Variants in GLRX5 observed in about 807,000 individuals in gnomAD.
GLRX5 encodes glutaredoxin 5, also known as glutaredoxin-related protein 5, mitochondrial.
In GLRX5, 10 loss-of-function variants were observed where a neutral mutation model predicts 13.8. That is an observed-to-expected ratio of 0.72 (90% CI 0.45 to 1.23). The LOEUF is 1.23. Among genes scored for constraint, GLRX5 ranks in the 50% most tolerant of loss-of-function variants. The pLI, the probability that GLRX5 is intolerant of heterozygous loss-of-function variation, is 0.00. For missense variants in GLRX5, 233 were observed against 215.2 expected, an observed-to-expected ratio of 1.08 and a Z score of -0.52; for synonymous variants, 98 against 101.1, an observed-to-expected ratio of 0.97 and a Z score of 0.18.
chr14:95,536,510 C>T (rs1237619351), intron 1 of GLRX5, among the ~76,000 whole-genome samples: 3 of 152,200 alleles, frequency 2.0e-5, no homozygotes, highest in Admixed American at 6.5e-5. Context: ...ATAGTCATTG[C>T]TTACAATGAT....
In GLRX5 at chr14:95,535,073, C is replaced by A. The variant is rs555474190; in HGVS notation, c.-17C>A. ...CTGTGGGCCCGGGCCGTCGTGGGCTCCGGCTTGCGTGCGGAGATGAGCGGG... is the reference window on the plus strand; with the variant it reads ...CTGTGGGCCCGGGCCGTCGTGGGCTACGGCTTGCGTGCGGAGATGAGCGGG... On this transcript the variant is annotated 5_prime_UTR_variant, in exon 1 of 2. Transcript: ENST00000331334. 5,113 of 1,337,898 alleles carry A rather than the reference C, an allele frequency of 3.8e-3. 18 individuals are homozygous for A. The highest frequency in any genetic ancestry group is 4.2e-3 in the Non-Finnish European group (4,314 of 1,032,738). 82.9% of individuals were successfully genotyped at this position (1,337,898 alleles called of 1,614,324 possible).
intron 1 of GLRX5, among the ~76,000 whole-genome samples, chr14:95,535,740 C>T (rs1302072728): frequency 2.0e-5 from 3 of 152,152 alleles, no homozygotes; most frequent in Non-Finnish European, 4.4e-5. Context: ...CTGCTCTGCA[C>T]GGTTAGGAAA....
In GLRX5 at chr14:95,535,288, T is replaced by A; in HGVS notation, c.199T>A (p.Cys67Ser). 1.3e-6 allele frequency: 2 copies of A among 1,566,416 alleles called. No individual in the cohort carries two copies. Among genetic ancestry groups the A allele is most frequent in the South Asian group, 1.2e-5 (1 of 85,262 alleles). The change falls in exon 1 of 2, where the codon TGC becomes AGC. Residue 67 changes from cysteine to serine, a missense_variant. Physicochemically the swap from Cys to Ser is moderately radical, Grantham distance 112. Transcript: ENST00000331334. ...CAAGGGGACGCCGGAGCAGCCCCAG[T>A]GCGGCTTCAGCAACGCCGTGGTGCA... The part of the protein sequence containing the change: ...FLKGTPEQPQ[C>S]GFSNAVVQIL...
In GLRX5 at chr14:95,544,016, G is replaced by A. The variant is rs1463019388; in HGVS notation, c.365G>A (p.Cys122Tyr). 6.2e-7 allele frequency: 1 copy of A among 1,613,936 alleles called. No homozygotes were observed. Among genetic ancestry groups the A allele is most frequent in the African/African-American group, 1.3e-5 (1 of 74,934 alleles). Residue 122 changes from cysteine to tyrosine, a missense_variant, in exon 2 of 2, where the codon TGT becomes TAT. Transcript: ENST00000331334. Reference sequence around the variant, plus strand: ...CTCAATGGCGAGTTTGTAGGGGGCTGTGACATTCTTCTGCAGATGCACCAG... The same window carrying A: ...CTCAATGGCGAGTTTGTAGGGGGCTATGACATTCTTCTGCAGATGCACCAG... ...VYLNGEFVGG[C>Y]DILLQMHQNG...
At position 95,535,081 on chromosome 14, in the gene GLRX5, C is replaced by T. The variant is rs780737253; in HGVS notation, c.-9C>T. On this transcript the variant is annotated 5_prime_UTR_variant, in exon 1 of 2. Transcript: ENST00000331334. ...CCGGGCCGTCGTGGGCTCCGGCTTGCGTGCGGAGATGAGCGGGTCCCTCGG... is the reference window on the plus strand; with the variant it reads ...CCGGGCCGTCGTGGGCTCCGGCTTGTGTGCGGAGATGAGCGGGTCCCTCGG... The T allele has an allele frequency of 2.2e-6, 3 of 1,334,946 alleles. No individual in the cohort carries two copies. The highest frequency in any genetic ancestry group is 1.5e-5 in the African/African-American group (1 of 64,744). The allele number at this position is 1,334,946 out of a possible 1,614,324, so 82.7% of individuals were successfully genotyped here.
intron 1 of GLRX5, among the ~76,000 whole-genome samples, chr14:95,536,409 C>T (rs1003926407): frequency 3.3e-5 from 5 of 152,134 alleles, no homozygotes; most frequent in Non-Finnish European, 5.9e-5. Flanking sequence ...GTGACTGAGT[C>T]CCTGCATGTC....
At chr14:95,543,923 C>A in intron 1 of GLRX5, 24 bp from the exon 2 acceptor site, 1 of 1,597,726 alleles carries the variant, frequency 6.3e-7, no homozygotes, top group Non-Finnish European at 8.6e-7. Context: ...ATTTAAATAA[C>A]AAATAAATGT....
chr14:95,537,014 G>A (rs8010923), intron 1 of GLRX5, among the ~76,000 whole-genome samples: 29,748 of 152,100 alleles, frequency 0.2, 3,057 homozygotes, highest in Non-Finnish European at 0.22. Flanking sequence ...GTCTTCCTTC[G>A]AAGACAGCTT....
chr14:95,539,504 C>T (rs1347155148), intron 1 of GLRX5, among the ~76,000 whole-genome samples: 1 of 152,090 alleles, frequency 6.6e-6, no homozygotes, highest in African/African-American at 2.4e-5. Flanking sequence ...GGCATAATAC[C>T]ATTTGTATAT....
At chr14:95,535,482 G>T (rs564516426) in intron 1 of GLRX5, 98 bp downstream of exon 1, 2 of 1,194,030 alleles carry the variant, frequency 1.7e-6, no homozygotes, top group Admixed American at 2.1e-5. Flanking sequence ...GGGGAGCGGG[G>T]CTCCATCCGC....
intron 1 of GLRX5, chr14:95,543,597 C>G (rs1891508454): frequency 3.0e-6 from 1 of 331,170 alleles, no homozygotes; most frequent in Non-Finnish European, 5.8e-6. Flanking sequence ...CAGTCCAGTC[C>G]TCTGCCATTA....
chr14:95,541,084 G>A (rs895096524), intron 1 of GLRX5, among the ~76,000 whole-genome samples: 13 of 152,142 alleles, frequency 8.5e-5, no homozygotes, highest in East Asian at 3.9e-4. Flanking sequence ...AATCACCACC[G>A]TCTATCACAT....
chr14:95,538,123 C>T (rs28692615), intron 1 of GLRX5, among the ~76,000 whole-genome samples: 1,874 of 151,588 alleles, frequency 0.012, 40 homozygotes, highest in African/African-American at 0.043. Flanking sequence ...CACATTGAGA[C>T]CATGCTTGTC....
intron 1 of GLRX5, among the ~76,000 whole-genome samples, chr14:95,538,746 T>A (rs1344896466): frequency 6.6e-6 from 1 of 152,146 alleles, no homozygotes; most frequent in Non-Finnish European, 1.5e-5. Flanking sequence ...GGCTGTGTGG[T>A]TTTTGTTGCA....
Position 95,535,096 on chromosome 14 carries a change from G to A in GLRX5, c.7G>A (p.Gly3Arg), listed in dbSNP as rs767242677. 3.0e-6 allele frequency: 4 copies of A among 1,325,820 alleles called. No individual in the cohort carries two copies. The South Asian group carries it at 4.6e-5, about 15-fold the overall frequency. 82.1% of individuals were successfully genotyped at this position (1,325,820 alleles called of 1,614,324 possible). A position where few individuals can be genotyped will look rare whatever the true frequency, so the allele number is the denominator to read the frequency against. MS[G>R]SLGRAAAALL... ...CTCCGGCTTGCGTGCGGAGATGAGC[G>A]GGTCCCTCGGCCGAGCTGCGGCGGC... The change falls in exon 1 of 2, where the codon GGG becomes AGG. Residue 3 changes from glycine (G) to arginine (R), a missense_variant. By Grantham distance (125) the Gly-to-Arg change is moderately radical. Coordinates refer to ENST00000331334, the MANE Select transcript of GLRX5 (RefSeq NM_016417.3).
rs765749786 is a variant in GLRX5, at chr14:95,535,175, TGCGGGCGGCGGGCTCGGGC to T, written c.98_116del (p.Gly33AlafsTer11). ...GGCGGTGGCCTTTGGGGTCCGGGCG[TGCGGGCGGCGGGCTCGGGC>T]GCGGGCGGCGGCGGCTCGGCGGAGC... On this transcript the variant is annotated frameshift_variant, in exon 1 of 2. Transcript: ENST00000331334. LOFTEE classifies it high-confidence loss of function. The T allele has an allele frequency of 4.1e-6, 6 of 1,467,072 alleles. No individual in the cohort carries two copies. Among genetic ancestry groups the T allele is most frequent in the South Asian group, 2.6e-5 (2 of 75,720 alleles). The allele number at this position is 1,467,072 out of a possible 1,614,324, so 90.9% of individuals were successfully genotyped here.
chr14:95,539,895 ATATT>A (rs201645554), intron 1 of GLRX5, among the ~76,000 whole-genome samples: 3,935 of 40,104 alleles, frequency 0.098, 171 homozygotes, highest in African/African-American at 0.23. Context: ...ATATATATAT[ATATT>A]TTTTTTTTTT....
chr14:95,543,381 A>G (rs1226789990), intron 1 of GLRX5: 1 of 339,036 alleles, frequency 2.9e-6, no homozygotes, highest in East Asian at 7.6e-5. Context: ...TCTCGAGGAG[A>G]AGTGACTGAC....
chr14:95,544,495 T>G lies in GLRX5; in HGVS notation c.*370T>G. On this transcript the variant is annotated 3_prime_UTR_variant, in exon 2 of 2. Coordinates refer to ENST00000331334, the MANE Select transcript of GLRX5 (RefSeq NM_016417.3). ...TCCAAAGAGAGTATCTCCCCCCAAA[T>G]TTTGTGTAGCTTCTTTTGTTATGGA... 4.6e-6 allele frequency: 1 copy of G among 215,126 alleles called. No homozygotes were observed. Among genetic ancestry groups the G allele is most frequent in the Non-Finnish European group, 9.5e-6 (1 of 105,572 alleles). The allele number at this position is 215,126 out of a possible 1,614,324, so 13.3% of individuals were successfully genotyped here.
Sources: allele counts gnomAD v4.1 joint callset (sites outside exome capture counted in the v4.1 genomes callset), GRCh38; gene constraint gnomAD v4.1.1; transcripts MANE v1.5; gene names NCBI Gene and HGNC (gene_info 2026-07-23, HGNC 2026-07-21).